ZNF813: variants seen among roughly 807,000 people sequenced by gnomAD.
The protein encoded by ZNF813 is zinc finger protein 813.
Under a neutral mutation model 7.2 loss-of-function variants are expected in ZNF813, and 3 were observed. The ratio of observed to expected loss-of-function variants is 0.42; its 90% CI spans 0.19 to 1.08. The LOEUF is 1.08. Among genes scored for constraint, ZNF813 ranks in the 50% least tolerant of loss-of-function variants. ZNF813 has a pLI of 0.30. For missense variants in ZNF813, 714 were observed against 753.3 expected, an observed-to-expected ratio of 0.95 and a Z score of 0.61; for synonymous variants, 227 against 256.3, an observed-to-expected ratio of 0.89 and a Z score of 1.09.
chr19:53,488,594 T>TC (rs2086444895), intron 3 of ZNF813, among the ~76,000 whole-genome samples: 1 of 150,828 alleles, frequency 6.6e-6, no homozygotes, highest in African/African-American at 2.4e-5. Context: ...ATTTTTTTTT[T>TC]TTTTGTAGAG....
At chr19:53,486,095 G>A (rs1232860096) in intron 2 of ZNF813, among the ~76,000 whole-genome samples, 2 of 152,062 alleles carry the variant, frequency 1.3e-5, no homozygotes, top group African/African-American at 2.4e-5. Flanking sequence ...CACTGTGGAC[G>A]TTGTCATCTC....
At chr19:53,478,656 T>C (rs1166386543) in intron 1 of ZNF813, among the ~76,000 whole-genome samples, 1 of 152,050 alleles carries the variant, frequency 6.6e-6, no homozygotes, top group Non-Finnish European at 1.5e-5. Context: ...TGTGCACCTG[T>C]AGTCACAGTT....
At position 53,492,772 on chromosome 19, in the gene ZNF813, C is replaced by T. The variant is rs2086470072; in HGVS notation, c.*686C>T. On this transcript the variant is annotated 3_prime_UTR_variant, in exon 4 of 4. Coordinates refer to ENST00000396403, the MANE Select transcript of ZNF813 (RefSeq NM_001004301.4). The stretch of plus-strand genomic sequence containing the variant: ...ATACCTTGCAGTTCATTGGCGAACT[C>T]ATACTGGAGACAAACCTTATAAATG... The T allele has an allele frequency of 1.7e-6, 1 of 582,824 alleles. No individual in the cohort carries two copies. The highest frequency in any genetic ancestry group is 1.5e-5 in the South Asian group (1 of 67,284). 36.1% of individuals were successfully genotyped at this position (582,824 alleles called of 1,614,324 possible).
chr19:53,486,162 A>C (rs1568832196), intron 2 of ZNF813, among the ~76,000 whole-genome samples: 1 of 152,164 alleles, frequency 6.6e-6, no homozygotes, highest in Admixed American at 6.5e-5. Flanking sequence ...TTGCTGTGTC[A>C]ATAAAAGTTT....
At chr19:53,477,711 C>T (rs2086388517) in intron 1 of ZNF813, among the ~76,000 whole-genome samples, 1 of 152,084 alleles carries the variant, frequency 6.6e-6, no homozygotes, top group Admixed American at 6.5e-5. Context: ...CTCCCAGCTA[C>T]TCTGGAGGCC....
At chr19:53,473,179 T>G (rs2086367583) in intron 1 of ZNF813, among the ~76,000 whole-genome samples, 1 of 152,194 alleles carries the variant, frequency 6.6e-6, no homozygotes, top group Admixed American at 6.5e-5. Flanking sequence ...CAGTTAGTAT[T>G]ACAAGGAAAA....
At chr19:53,470,800 A>C (rs1264780632) in intron 1 of ZNF813, among the ~76,000 whole-genome samples, 4 of 151,638 alleles carry the variant, frequency 2.6e-5, no homozygotes, top group Non-Finnish European at 5.9e-5. Context: ...AGTTAGATTA[A>C]ACTTTCTACA....
chr19:53,470,165 T>TCCTTCCTTCCTTCCTTCC (rs1568825776), intron 1 of ZNF813, among the ~76,000 whole-genome samples: 9 of 68,612 alleles, frequency 1.3e-4, no homozygotes, highest in Admixed American at 1.5e-4. Flanking sequence ...TTCTTTTTCT[T>TCCTTCCTTCCTTCCTTCC]TTCTTTTCTT....
rs2086474353 is a variant in ZNF813 at position 53,493,729 on chromosome 19, A to T, written c.*1643A>T. Reference sequence around the variant, plus strand: ...GATTTTCTACACAGAAGATCATGTCATCTACAAACACATATAATTTTACTT... The same window carrying T: ...GATTTTCTACACAGAAGATCATGTCTTCTACAAACACATATAATTTTACTT... On this transcript the variant is annotated 3_prime_UTR_variant, in exon 4 of 4. Transcript: ENST00000396403. 6.6e-6 allele frequency: 1 copy of T among 152,194 alleles called. No homozygotes were observed. Among genetic ancestry groups the T allele is most frequent in the Non-Finnish European group, 1.5e-5 (1 of 68,032 alleles). The allele number at this position is 152,194 out of a possible 1,614,324, so 9.4% of individuals were successfully genotyped here.
chr19:53,490,301 G>T lies in ZNF813; in HGVS notation c.143-74G>T. 7 of 1,512,694 alleles carry T rather than the reference G, an allele frequency of 4.6e-6. No homozygotes were observed. The Admixed American group carries it at 6.2e-5, about 13-fold the overall frequency. 93.7% of individuals were successfully genotyped at this position (1,512,694 alleles called of 1,614,324 possible). On this transcript the variant is annotated intron_variant, in intron 3 of 3. Coordinates refer to ENST00000396403, the MANE Select transcript of ZNF813 (RefSeq NM_001004301.4). ...GAAGTTTAAAATGAGTATTTTTTGT[G>T]TCACATTTACACATTTCAGTATTAT... is the stretch of plus-strand genomic sequence containing the variant.
intron 1 of ZNF813, among the ~76,000 whole-genome samples, chr19:53,482,298 C>T (rs983277146): frequency 6.6e-6 from 1 of 152,206 alleles, no homozygotes; most frequent in Non-Finnish European, 1.5e-5. Context: ...ACAGCAAAAT[C>T]TAAAGCAGGT....
chr19:53,469,709 G>A (rs556312689), intron 1 of ZNF813, among the ~76,000 whole-genome samples: 21 of 115,314 alleles, frequency 1.8e-4, no homozygotes, highest in African/African-American at 3.6e-4. Flanking sequence ...TGGAGCCAGG[G>A]CAGACAGAGC....
At chr19:53,488,538 A>G (rs12462155) in intron 3 of ZNF813, among the ~76,000 whole-genome samples, 10,696 of 150,632 alleles carry the variant, frequency 0.071, 419 homozygotes, top group East Asian at 0.12. Context: ...TCCCCCAAGT[A>G]GATGGGACTA....
chr19:53,480,177 G>A (rs370602569), intron 1 of ZNF813: 4 of 758,276 alleles, frequency 5.3e-6, no homozygotes, highest in Non-Finnish European at 9.7e-6. Flanking sequence ...ACCTTTACCT[G>A]AGGGCTGATC....
At chr19:53,468,764 C>T (rs992309535) in intron 1 of ZNF813, among the ~76,000 whole-genome samples, 5 of 152,136 alleles carry the variant, frequency 3.3e-5, no homozygotes, top group Non-Finnish European at 5.9e-5. Flanking sequence ...TTTCTCCTAT[C>T]TCAGAATAGA....
At chr19:53,472,167 G>C (rs895574388) in intron 1 of ZNF813, among the ~76,000 whole-genome samples, 1 of 152,122 alleles carries the variant, frequency 6.6e-6, no homozygotes, top group Non-Finnish European at 1.5e-5. Context: ...CACACGGGTA[G>C]GTCTGGCTTT....
At chr19:53,482,368 C>T (rs1442629719) in intron 1 of ZNF813, among the ~76,000 whole-genome samples, 3 of 152,210 alleles carry the variant, frequency 2.0e-5, no homozygotes, top group African/African-American at 7.2e-5. Flanking sequence ...GGACAAAAGG[C>T]CAACTCCTCA....
chr19:53,471,480 A>C (rs1057165076), intron 1 of ZNF813, among the ~76,000 whole-genome samples: 4 of 152,180 alleles, frequency 2.6e-5, no homozygotes, highest in Non-Finnish European at 5.9e-5. Context: ...CTTAGTGAGC[A>C]ACACAGTATC....
At chr19:53,480,653 C>G (rs1600111146) in intron 1 of ZNF813, among the ~76,000 whole-genome samples, 1 of 152,264 alleles carries the variant, frequency 6.6e-6, no homozygotes, top group Non-Finnish European at 1.5e-5. Flanking sequence ...TGTCAGTGAC[C>G]TTTTACCTTA....
Sources: gnomAD v4.1 joint callset for allele counts (sites outside exome capture counted in the v4.1 genomes callset) on GRCh38, gnomAD v4.1.1 for gene constraint, MANE v1.5 for transcripts, NCBI Gene and HGNC (gene_info 2026-07-23, HGNC 2026-07-21) for gene names.